RNF135: variants seen among roughly 807,000 people sequenced by gnomAD.
RNF135 encodes the protein E3 ubiquitin-protein ligase RNF135.
In RNF135, 46 loss-of-function variants were observed where a neutral mutation model predicts 41.9. The observed-to-expected ratio is 1.10, with a 90% CI of 0.87 to 1.40. The LOEUF (loss-of-function observed/expected upper bound fraction) is 1.40. RNF135 is among the 40% of genes most tolerant of loss of function. The probability of loss-of-function intolerance (pLI) is 0.00; values close to 1 mark genes in which losing one functional copy is unlikely to be tolerated. For missense variants in RNF135, 539 were observed against 549.8 expected (o/e 0.98, Z 0.20); for synonymous variants, 238 against 223.8 (o/e 1.06, Z -0.57).
chr17:30,983,601 G>A (rs1311822496), intron 1 of RNF135, among the ~76,000 whole-genome samples: 7 of 151,118 alleles, frequency 4.6e-5, no homozygotes, highest in Admixed American at 1.3e-4. Context: ...TGATCCACCC[G>A]CCTCGGCCTC....
upstream of RNF135, among the ~76,000 whole-genome samples, chr17:30,967,151 C>T (rs1012161716): frequency 5.3e-5 from 8 of 152,226 alleles, no homozygotes; most frequent in African/African-American, 1.9e-4. Flanking sequence ...TCTCCTGCCT[C>T]GGCCTCTGGA....
rs1567734935 is a variant in RNF135, at chr17:30,971,291, GGAA to G, written c.222_224del (p.Lys74del). ...GGCGCCGCGCAGCAGCCGCACCTGCGGAAGAACACGCTACTGCAGGACCTGGCC... is the reference window on the plus strand; with the variant it reads ...GGCGCCGCGCAGCAGCCGCACCTGCGGAACACGCTACTGCAGGACCTGGCC... On this transcript the variant is annotated inframe_deletion, in exon 1 of 5. Transcript: ENST00000328381. 1 of 1,528,320 alleles carries G rather than the reference GGAA, an allele frequency of 6.5e-7. No homozygotes were observed. Among genetic ancestry groups the G allele is most frequent in the Non-Finnish European group, 8.8e-7 (1 of 1,141,634 alleles). The allele number at this position is 1,528,320 out of a possible 1,614,324, so 94.7% of individuals were successfully genotyped here.
chr17:30,971,395 T>C lies in RNF135; in HGVS notation c.322T>C (p.Ser108Pro), dbSNP rs7211440. Residue 108 changes from serine (S) to proline (P), a missense_variant, in exon 1 of 5, where the codon TCC becomes CCC. Around this residue, in one of 2 missense-constraint regions of RNF135, gnomAD observed 277 missense variants for 212.8 expected, o/e 1.30. Transcript: ENST00000328381. ...PAHCPCPGSS[S>P]LSSAAARPRR... ...CCACTGCCCCTGCCCGGGCTCCAGT[T>C]CCCTCTCCAGCGCGGCCGCGAGGCC... The C allele has an allele frequency of 0.042, 64,654 of 1,522,404 alleles. 17,157 individuals carry two copies. In the African/African-American group the frequency reaches 0.68, roughly 16 times the overall value. The allele number at this position is 1,522,404 out of a possible 1,614,324, so 94.3% of individuals were successfully genotyped here. A position where few individuals can be genotyped will look rare whatever the true frequency, so the allele number is the denominator to read the frequency against.
intron 2 of RNF135, 93 bp from the exon 3 acceptor site, chr17:30,987,851 A>G: frequency 7.9e-7 from 1 of 1,259,348 alleles, no homozygotes; most frequent in African/African-American, 1.5e-5. Flanking sequence ...AATTAAATAG[A>G]AAATTATAGA....
chr17:30,997,320 G>T lies in RNF135; in HGVS notation c.758G>T (p.Arg253Leu). ...QSHPALRRAS[R>L]FAQWAIHPTF... Reference sequence around the variant, plus strand: ...CACCCTGCACTCAGGAGAGCTTCTCGGTTTGCTCAGTGTAAGTATGTGGTC... The same window carrying T: ...CACCCTGCACTCAGGAGAGCTTCTCTGTTTGCTCAGTGTAAGTATGTGGTC... The change falls in exon 4 of 5, where the codon CGG (arginine) becomes CTG (leucine). Residue 253 changes from arginine to leucine, a missense_variant. Arg to Leu is a moderately radical substitution (Grantham distance 102, BLOSUM62 -2). Transcript: ENST00000328381. The T allele has an allele frequency of 6.2e-7, 1 of 1,613,938 alleles. No individual in the cohort carries two copies. Among genetic ancestry groups the T allele is most frequent in the African/African-American group, 1.3e-5 (1 of 75,026 alleles).
upstream of RNF135, among the ~76,000 whole-genome samples, chr17:30,966,320 CTTTT>C (rs1394280200): frequency 6.8e-6 from 1 of 147,224 alleles, no homozygotes; most frequent in African/African-American, 2.5e-5. Flanking sequence ...GTGAATACTT[CTTTT>C]TTTATTTGAT....
intron 3 of RNF135, among the ~76,000 whole-genome samples, chr17:30,991,187 C>A (rs561562964): frequency 2.0e-5 from 3 of 151,768 alleles, no homozygotes; most frequent in Non-Finnish European, 4.4e-5. Context: ...TTAAACCAAT[C>A]TCATGGGTCA....
the RNF135 span, among the ~76,000 whole-genome samples, chr17:30,964,604 A>C: frequency 6.6e-6 from 1 of 151,950 alleles, no homozygotes; most frequent in Admixed American, 6.6e-5. Flanking sequence ...ACTCTGTCTC[A>C]AAACAAACAA....
At chr17:30,961,216 A>C in the RNF135 span, among the ~76,000 whole-genome samples, 1 of 152,198 alleles carries the variant, frequency 6.6e-6, no homozygotes, top group Non-Finnish European at 1.5e-5. Context: ...CAAATTATTC[A>C]TACATACAAC....
At chr17:30,997,885 A>C (rs746691915) in intron 4 of RNF135, among the ~76,000 whole-genome samples, 1 of 152,340 alleles carries the variant, frequency 6.6e-6, no homozygotes, top group East Asian at 1.9e-4. Context: ...TGAGTAAAAC[A>C]CCTAGAGTAG....
chr17:30,983,340 TA>T (rs1567743208), intron 1 of RNF135, among the ~76,000 whole-genome samples: 1,521 of 32,872 alleles, frequency 0.046, 48 homozygotes, highest in African/African-American at 0.11. Flanking sequence ...TATATATATA[TA>T]TATATATATA....
intron 3 of RNF135, 93 bp downstream of exon 3, chr17:30,988,199 C>G: frequency 8.1e-7 from 1 of 1,233,522 alleles, no homozygotes; most frequent in Non-Finnish European, 1.2e-6. Context: ...GGGATAGGAT[C>G]CCAGAGTCCA....
chr17:30,983,524 T>C (rs968928897), intron 1 of RNF135, among the ~76,000 whole-genome samples: 31 of 150,782 alleles, frequency 2.1e-4, no homozygotes, highest in Non-Finnish European at 3.7e-4. Context: ...TGGTGAATTT[T>C]TGTATTTTTA....
chr17:30,973,269 T>C (rs116215204), intron 1 of RNF135: 2 of 152,344 alleles, frequency 1.3e-5, no homozygotes, highest in Admixed American at 6.5e-5. Flanking sequence ...AAATTAGATA[T>C]GACTCACAGA....
At chr17:30,968,413 T>A (rs1163496046), upstream of RNF135, among the ~76,000 whole-genome samples, 1 of 145,648 alleles carries the variant, frequency 6.9e-6, no homozygotes, top group Non-Finnish European at 1.5e-5. Context: ...TGAGACAGAG[T>A]CTTGCTCTGT....
At chr17:30,993,678 T>TA (rs1183336833) in intron 3 of RNF135, among the ~76,000 whole-genome samples, 8 of 151,522 alleles carry the variant, frequency 5.3e-5, no homozygotes, top group South Asian at 4.2e-4. Context: ...TCAATAGAGA[T>TA]AAAAAAAGTA....
At chr17:30,975,214 T>G (rs1187166091) in intron 1 of RNF135, among the ~76,000 whole-genome samples, 1 of 151,964 alleles carries the variant, frequency 6.6e-6, no homozygotes, top group African/African-American at 2.4e-5. Flanking sequence ...TCCCAGCTAC[T>G]TGCGAGACTG....
At chr17:30,996,923 T>C in intron 3 of RNF135, among the ~76,000 whole-genome samples, 1 of 152,194 alleles carries the variant, frequency 6.6e-6, no homozygotes, top group Non-Finnish European at 1.5e-5. Context: ...TGATTTTATT[T>C]CATGAGTGTG....
intron 1 of RNF135, among the ~76,000 whole-genome samples, chr17:30,979,888 GC>G (rs1906906210): frequency 7.7e-6 from 1 of 130,266 alleles, no homozygotes; most frequent in African/African-American, 3.0e-5. Context: ...CCCGGGCGGG[GC>G]GGCTGGCCGG....
Sources: allele counts gnomAD v4.1 joint callset (sites outside exome capture counted in the v4.1 genomes callset), GRCh38; gene constraint gnomAD v4.1.1; regional missense constraint gnomAD v4.1.1; transcripts MANE v1.5; gene names NCBI Gene and HGNC (gene_info 2026-07-23, HGNC 2026-07-21).